The following TBC1D2B variants were observed in gnomAD, a reference collection of about 807,000 sequenced individuals.
TBC1D2B encodes the protein TBC1 domain family, member 2B.
Under a neutral mutation model 100.8 loss-of-function variants are expected in TBC1D2B, and 64 were observed. The observed-to-expected ratio is 0.64, with a 90% confidence interval of 0.52 to 0.78. TBC1D2B has a LOEUF of 0.78. Among genes scored for constraint, TBC1D2B ranks in the 30% least tolerant of loss-of-function variants. The probability of loss-of-function intolerance (pLI) is 0.00; values close to 1 mark genes in which losing one functional copy is unlikely to be tolerated. For missense variants in TBC1D2B, 1,052 were observed against 1,218.4 expected (o/e 0.86, Z 2.03); for synonymous variants, 480 against 479.7 (o/e 1.00, Z -0.01).
chr15:78,004,911 A>C (rs1172132435), intron 10 of TBC1D2B, among the ~76,000 whole-genome samples: 1 of 152,208 alleles, frequency 6.6e-6, no homozygotes, highest in Non-Finnish European at 1.5e-5. Context: ...ACGTTGTTCA[A>C]GGGTTAACTG....
intron 10 of TBC1D2B, among the ~76,000 whole-genome samples, chr15:78,005,144 T>C (rs1419694425): frequency 6.6e-6 from 1 of 152,220 alleles, no homozygotes; most frequent in Admixed American, 6.5e-5. Context: ...GGAGGCAGAC[T>C]GTGCCTCACT....
intron 1 of TBC1D2B, among the ~76,000 whole-genome samples, chr15:78,071,465 T>C (rs1290707893): frequency 1.3e-5 from 2 of 152,152 alleles, no homozygotes; most frequent in African/African-American, 2.4e-5. Flanking sequence ...GCCCTTTACA[T>C]AAAAAGTTTG....
chr15:78,049,907 A>G (rs934158892), intron 2 of TBC1D2B, among the ~76,000 whole-genome samples: 2 of 152,204 alleles, frequency 1.3e-5, no homozygotes, highest in Non-Finnish European at 1.5e-5. Flanking sequence ...TCAAGGTCCC[A>G]TAAGCTCTCC....
intron 12 of TBC1D2B, among the ~76,000 whole-genome samples, chr15:77,999,806 C>G (rs896644950): frequency 7.9e-5 from 12 of 152,226 alleles, no homozygotes; most frequent in African/African-American, 2.7e-4. Flanking sequence ...GACGCCAGAC[C>G]CCACCTCTGC....
intron 3 of TBC1D2B, among the ~76,000 whole-genome samples, chr15:78,033,386 G>C (rs1197313788): frequency 6.6e-6 from 1 of 152,160 alleles, no homozygotes; most frequent in Non-Finnish European, 1.5e-5. Context: ...AAAACGTTAA[G>C]TGAAAGAAGA....
At chr15:78,040,628 GAA>G (rs71145892) in intron 3 of TBC1D2B, among the ~76,000 whole-genome samples, 21 of 84,560 alleles carry the variant, frequency 2.5e-4, no homozygotes, top group Admixed American at 1.1e-3. Context: ...AAGAGAGAGA[GAA>G]AGAAAAAGAA....
intron 1 of TBC1D2B, among the ~76,000 whole-genome samples, chr15:78,056,204 G>A (rs1016795886): frequency 6.6e-6 from 1 of 152,206 alleles, no homozygotes; most frequent in Non-Finnish European, 1.5e-5. Context: ...TCTTAAAGGG[G>A]AAGCAGGCAG....
chr15:78,054,154 G>A lies in TBC1D2B; in HGVS notation c.394C>T (p.Gln132Ter). The A allele has an allele frequency of 1.2e-6, 2 of 1,613,640 alleles. No individual in the cohort carries two copies. The highest frequency in any genetic ancestry group is 1.7e-6 in the Non-Finnish European group (2 of 1,179,750). ...PNRQLMTYWLQELQQKRWEYC... is the reference protein window; with the variant it reads ...PNRQLMTYWL The stretch of plus-strand genomic sequence containing the variant: ...TCCCATCTCTTCTGCTGAAGCTCCT[G>A]TAACCAGTAAGTCATGAGTTGACGA... Residue 132 changes from glutamine to a stop codon, truncating the protein, a stop_gained, in exon 2 of 13, where the codon CAG (glutamine) becomes TAG (stop). Coordinates refer to ENST00000300584, the MANE Select transcript of TBC1D2B (RefSeq NM_144572.2). LOFTEE classifies it high-confidence loss of function.
In TBC1D2B at chr15:78,067,394, A is replaced by C. The variant is rs556238106; in HGVS notation, c.360+9899T>G. Reference sequence around the variant, plus strand: ...GCAAAGCTTGACTCCTGCTCAACAAAGTCTGTTTGGTGAATGGCCAGTTGG... The same window carrying C: ...GCAAAGCTTGACTCCTGCTCAACAACGTCTGTTTGGTGAATGGCCAGTTGG... On this transcript the variant is annotated intron_variant, in intron 1 of 12. Coordinates refer to ENST00000300584, the MANE Select transcript of TBC1D2B (RefSeq NM_144572.2). Among the ~76,000 whole-genome samples the C allele has an allele frequency of 4.5e-4, 69 of 152,340 alleles. No homozygotes were observed. In the South Asian group the frequency reaches 0.014, roughly 31 times the overall value.
At position 78,001,681 on chromosome 15, in the gene TBC1D2B, C is replaced by A. The variant is rs546485218; in HGVS notation, c.2634G>T (p.Leu878Phe). The A allele has an allele frequency of 8.1e-6, 13 of 1,608,200 alleles. No individual in the cohort carries two copies. Among genetic ancestry groups the A allele is most frequent in the East Asian group, 2.2e-5 (1 of 44,808 alleles). ...ACTTAAATATAGACATCGAATCTTG[C>A]AATTTCAAAATCTCCTCTTCCTTGT... ...FKYKEEEILK[L>F]QDSMSIFKYL... is the part of the protein sequence containing the mutation. Residue 878 changes from leucine to phenylalanine, a missense_variant, in exon 12 of 13, where the codon TTG becomes TTT. Physicochemically the swap from Leu to Phe is conservative, Grantham distance 22. Coordinates refer to ENST00000300584, the MANE Select transcript of TBC1D2B (RefSeq NM_144572.2).
At chr15:78,056,431 T>A (rs2073422569) in intron 1 of TBC1D2B, among the ~76,000 whole-genome samples, 1 of 152,174 alleles carries the variant, frequency 6.6e-6, no homozygotes, top group Non-Finnish European at 1.5e-5. Flanking sequence ...GAAAGGCAGG[T>A]GCACAGTTTG....
At chr15:78,018,128 G>A (rs1325764960) in intron 6 of TBC1D2B, among the ~76,000 whole-genome samples, 171 bp from the exon 7 acceptor site, 1 of 150,424 alleles carries the variant, frequency 6.6e-6, no homozygotes, top group Non-Finnish European at 1.5e-5. Flanking sequence ...AATCTTTTTG[G>A]CCATTTACAG....
At chr15:78,027,732 C>T (rs1311211840) in intron 4 of TBC1D2B, among the ~76,000 whole-genome samples, 1 of 152,234 alleles carries the variant, frequency 6.6e-6, no homozygotes, top group Non-Finnish European at 1.5e-5. Context: ...TCTATTTCAC[C>T]CTCAGTCTCT....
At chr15:78,022,223 G>C (rs2072533933) in intron 6 of TBC1D2B, among the ~76,000 whole-genome samples, 1 of 152,156 alleles carries the variant, frequency 6.6e-6, no homozygotes, top group South Asian at 2.1e-4. Flanking sequence ...GCTGGGTGTG[G>C]TGACATATGC....
intron 1 of TBC1D2B, among the ~76,000 whole-genome samples, chr15:78,064,488 G>A (rs1269638429): frequency 1.3e-5 from 2 of 152,168 alleles, no homozygotes; most frequent in East Asian, 1.9e-4. Flanking sequence ...AAAAGAATGC[G>A]ATGGCTGCTC....
chr15:78,061,560 G>A (rs1221684574), intron 1 of TBC1D2B, among the ~76,000 whole-genome samples: 3 of 149,798 alleles, frequency 2.0e-5, no homozygotes, highest in African/African-American at 2.4e-5. Flanking sequence ...GTGACAGAGC[G>A]AGACCCTGTC....
chr15:78,077,422 C>T lies in TBC1D2B; in HGVS notation c.231G>A (p.Leu77=), dbSNP rs755359978. The T allele has an allele frequency of 6.5e-7, 1 of 1,545,942 alleles. No individual in the cohort carries two copies. Among genetic ancestry groups the T allele is most frequent in the African/African-American group, 1.4e-5 (1 of 72,282 alleles). Residue 77 remains leucine (L), a synonymous_variant, in exon 1 of 13, where the codon CTG becomes CTA. Coordinates refer to ENST00000300584, the MANE Select transcript of TBC1D2B (RefSeq NM_144572.2). The part of the protein sequence containing the change: ...LYYFKSPQDA[L]PLGHLDIADA... The stretch of plus-strand genomic sequence containing the variant: ...CCGCGATGTCCAAGTGGCCGAGGGG[C>T]AGCGCGTCCTGCGGACTCTTGAAAT...
At position 78,016,637 on chromosome 15, in the gene TBC1D2B, G is replaced by A. The variant is rs555628707; in HGVS notation, c.1684C>T (p.Arg562Trp). 1.2e-5 allele frequency: 19 copies of A among 1,612,768 alleles called. No homozygotes were observed. The highest frequency in any genetic ancestry group is 3.3e-5 in the Admixed American group (2 of 59,814). Reference protein sequence around the residue: ...PVCSEDQGPTREVIAQLLEDA... With the variant: ...PVCSEDQGPTWEVIAQLLEDA... ...TCCAGCAACTGGGCTATGACCTCCC[G>A]GGTGGGCCCCTGGTCTTCTGAGCAC... is the stretch of plus-strand genomic sequence containing the variant. Residue 562 changes from arginine (R) to tryptophan (W), a missense_variant, in exon 8 of 13, where the codon CGG (arginine) becomes TGG (tryptophan). Physicochemically the swap from Arg to Trp is moderately radical, Grantham distance 101. Coordinates refer to ENST00000300584, the MANE Select transcript of TBC1D2B (RefSeq NM_144572.2).
chr15:78,077,548 C>G lies in TBC1D2B; in HGVS notation c.105G>C (p.Ala35=), dbSNP rs2073850978. 2.0e-6 allele frequency: 3 copies of G among 1,468,446 alleles called. No homozygotes were observed. The highest frequency in any genetic ancestry group is 2.7e-6 in the Non-Finnish European group (3 of 1,107,104). 91.0% of individuals were successfully genotyped at this position (1,468,446 alleles called of 1,614,324 possible). A position where few individuals can be genotyped will look rare whatever the true frequency, so the allele number is the denominator to read the frequency against. ...GCTTCTGCAGATAGCCACACAGCCG[C>G]GCTGGCTCCCGCGCCGGACCCGCCC... is the stretch of plus-strand genomic sequence containing the variant. ...EPGAGPAREP[A]RLCGYLQKLS... Residue 35 remains alanine, a synonymous_variant, in exon 1 of 13, where the codon GCG becomes GCC. Coordinates refer to ENST00000300584, the MANE Select transcript of TBC1D2B (RefSeq NM_144572.2).
Sources: gnomAD v4.1 joint callset for allele counts (sites outside exome capture counted in the v4.1 genomes callset) on GRCh38, gnomAD v4.1.1 for gene constraint, MANE v1.5 for transcripts, NCBI Gene and HGNC (gene_info 2026-07-23, HGNC 2026-07-21) for gene names.